EXOC4: variants seen among roughly 807,000 people sequenced by gnomAD.
The protein encoded by EXOC4 is SEC8-like 1.
Under a neutral mutation model 107.2 loss-of-function variants are expected in EXOC4, and 71 were observed. That is an observed-to-expected ratio of 0.66 (90% CI 0.55 to 0.81). EXOC4 has a LOEUF of 0.81. Among genes scored for constraint, EXOC4 ranks in the 30% least tolerant of loss-of-function variants. The pLI, the probability that EXOC4 is intolerant of heterozygous loss-of-function variation, is 0.00. For missense variants in EXOC4, 1,108 were observed against 1,189.6 expected (o/e 0.93, Z 1.01); for synonymous variants, 456 against 441.2 (o/e 1.03, Z -0.42).
At chr7:133,467,369 G>C (rs528586390) in intron 7 of EXOC4, among the ~76,000 whole-genome samples, 37 of 151,286 alleles carry the variant, frequency 2.4e-4, no homozygotes, top group Non-Finnish European at 4.7e-4. Context: ...GAGCTGTCTT[G>C]GTCGGTTGTC....
At chr7:134,029,463 A>C (rs188267872) in intron 17 of EXOC4, among the ~76,000 whole-genome samples, 186 of 152,166 alleles carry the variant, frequency 1.2e-3, no homozygotes, top group Admixed American at 0.01. Context: ...GCACTAAAGG[A>C]TATAGGGTTT....
In EXOC4 at chr7:133,555,762, T is replaced by A. The variant is rs115516533; in HGVS notation, c.1418-74283T>A. On this transcript the variant is annotated intron_variant, in intron 9 of 17. Transcript: ENST00000253861. ...CTGCTACATAGCATGCCAAATGCAATTTTGAATTTTCAAAATTTTGAATTT... is the reference window on the plus strand; with the variant it reads ...CTGCTACATAGCATGCCAAATGCAAATTTGAATTTTCAAAATTTTGAATTT... Among the ~76,000 whole-genome samples, 522 of 152,288 alleles carry A rather than the reference T, an allele frequency of 3.4e-3. 7 individuals carry two copies. Among genetic ancestry groups the A allele is most frequent in the African/African-American group, 0.012 (509 of 41,550 alleles).
chr7:133,852,060 C>T (rs999065398), intron 11 of EXOC4, among the ~76,000 whole-genome samples: 1 of 152,108 alleles, frequency 6.6e-6, no homozygotes, highest in Non-Finnish European at 1.5e-5. Context: ...CAGTGAAAAA[C>T]ATTTGTTGCT....
At position 134,016,902 on chromosome 7, in the gene EXOC4, ATGTC is replaced by A. The variant is rs549950555; in HGVS notation, c.2687+9071_2687+9074del. On this transcript the variant is annotated intron_variant, in intron 17 of 17. Transcript: ENST00000253861. ...CTGCCCACAGACAGCCAGACTGAGA[ATGTC>A]TGTGGTCTCCTAAATCTCCCCTCAC... 4.0e-3 allele frequency among the ~76,000 whole-genome samples: 608 copies of A among 152,282 alleles called. 5 individuals are homozygous for A. Among genetic ancestry groups the A allele is most frequent in the African/African-American group, 0.014 (576 of 41,546 alleles).
chr7:133,763,699 A>G (rs1202290747), intron 10 of EXOC4, among the ~76,000 whole-genome samples: 1 of 33,238 alleles, frequency 3.0e-5, no homozygotes, highest in Non-Finnish European at 7.4e-5. Context: ...CCTAGCCAAA[A>G]AGGAAAAAAA....
intron 11 of EXOC4, among the ~76,000 whole-genome samples, chr7:133,824,457 T>G (rs1797651314): frequency 6.6e-6 from 1 of 152,194 alleles, no homozygotes; most frequent in Non-Finnish European, 1.5e-5. Flanking sequence ...TACCCTGGTG[T>G]GACAGCAAGA....
rs1796451795 is a variant in EXOC4 at position 133,374,848 on chromosome 7, A to T, written c.1028A>T (p.Glu343Val). The change falls in exon 7 of 18, where the codon GAG becomes GTG. Residue 343 changes from glutamate to valine, a missense_variant. Glu to Val is a moderately radical substitution (Grantham distance 121). Transcript: ENST00000253861. Reference protein sequence around the residue: ...NQPRLLLELLELLFDKFNAVA... With the variant: ...NQPRLLLELLVLLFDKFNAVA... The stretch of plus-strand genomic sequence containing the variant: ...ACTAGGTTGCTTCTAGAACTGCTGG[A>T]GTTACTGTTTGACAAGTTTAATGCT... The T allele has an allele frequency of 6.2e-7, 1 of 1,613,472 alleles. No individual in the cohort carries two copies. The highest frequency in any genetic ancestry group is 1.1e-5 in the South Asian group (1 of 91,054).
intron 17 of EXOC4, among the ~76,000 whole-genome samples, chr7:134,033,697 C>T (rs1020746960): frequency 6.6e-6 from 1 of 152,080 alleles, no homozygotes; most frequent in Admixed American, 6.5e-5. Flanking sequence ...CTGTTGGGTG[C>T]CCAGTTCAGT....
At chr7:133,715,849 T>C (rs1794988287) in intron 10 of EXOC4, among the ~76,000 whole-genome samples, 2 of 152,184 alleles carry the variant, frequency 1.3e-5, no homozygotes, top group Non-Finnish European at 2.9e-5. Flanking sequence ...TATAGACCCA[T>C]GAGGCTGAGC....
chr7:133,432,820 G>A (rs1268163920), intron 7 of EXOC4, among the ~76,000 whole-genome samples: 1 of 152,114 alleles, frequency 6.6e-6, no homozygotes, highest in Admixed American at 6.5e-5. Flanking sequence ...CTGTCTAGCA[G>A]GCTATTTCTA....
chr7:133,277,341 A>C (rs1794019962), intron 2 of EXOC4, among the ~76,000 whole-genome samples: 1 of 152,228 alleles, frequency 6.6e-6, no homozygotes, highest in Non-Finnish European at 1.5e-5. Context: ...TCAGGTAATA[A>C]CAGCAAAGGT....
chr7:133,655,012 C>T (rs1585057316), intron 10 of EXOC4, among the ~76,000 whole-genome samples: 1 of 152,068 alleles, frequency 6.6e-6, no homozygotes, highest in South Asian at 2.1e-4. Context: ...ACTAAAGTTG[C>T]TCTGGGTGAG....
At position 133,338,569 on chromosome 7, in the gene EXOC4, C is replaced by T. The variant is rs1255402451; in HGVS notation, c.764-17761C>T. 2.1e-4 allele frequency among the ~76,000 whole-genome samples: 27 copies of T among 126,422 alleles called. No individual in the cohort carries two copies. The Admixed American group carries it at 2.4e-3, about 11-fold the overall frequency. The allele number at this position is 126,422 out of a possible 152,430, so 82.9% of individuals were successfully genotyped here. On this transcript the variant is annotated intron_variant, in intron 5 of 17. Coordinates refer to ENST00000253861, the MANE Select transcript of EXOC4 (RefSeq NM_021807.4). ...GATTGCGCCACTGCAGTCCGCAGTCCGACCTGGGCGCCAGAGCGAGACTCC... is the reference window on the plus strand; with the variant it reads ...GATTGCGCCACTGCAGTCCGCAGTCTGACCTGGGCGCCAGAGCGAGACTCC...
At chr7:133,541,974 G>T (rs956742059) in intron 9 of EXOC4, among the ~76,000 whole-genome samples, 39 of 152,102 alleles carry the variant, frequency 2.6e-4, no homozygotes, top group Non-Finnish European at 1.2e-4. Context: ...TTGCTTTCCG[G>T]TAGATTCAAG....
At chr7:133,956,207 T>C (rs960196335) in intron 14 of EXOC4, among the ~76,000 whole-genome samples, 2 of 152,178 alleles carry the variant, frequency 1.3e-5, no homozygotes, top group Non-Finnish European at 2.9e-5. Context: ...GTTTTGTTTT[T>C]AGATGAACAC....
intron 14 of EXOC4, among the ~76,000 whole-genome samples, chr7:133,974,937 T>C (rs1254749874): frequency 6.6e-6 from 1 of 152,200 alleles, no homozygotes; most frequent in African/African-American, 2.4e-5. Flanking sequence ...GCTCTGTGTA[T>C]AATGCTTTCA....
intron 7 of EXOC4, among the ~76,000 whole-genome samples, chr7:133,442,270 C>T (rs769478986): frequency 9.9e-5 from 15 of 151,958 alleles, no homozygotes; most frequent in South Asian, 4.2e-4. Context: ...GAAAGCCTAG[C>T]GTGAAGTGAG....
chr7:133,823,325 A>G (rs550672068), intron 11 of EXOC4, among the ~76,000 whole-genome samples: 1 of 152,064 alleles, frequency 6.6e-6, no homozygotes, highest in Non-Finnish European at 1.5e-5. Context: ...AACGCTACCC[A>G]TTAGAATCAC....
At chr7:133,727,749 A>G (rs1795245678) in intron 10 of EXOC4, 1 of 152,394 alleles carries the variant, frequency 6.6e-6, no homozygotes. Flanking sequence ...TCACACCCAC[A>G]ACAAGCAGCA....
Sources: allele counts gnomAD v4.1 joint callset (sites outside exome capture counted in the v4.1 genomes callset), GRCh38; gene constraint gnomAD v4.1.1; transcripts MANE v1.5; gene names NCBI Gene and HGNC (gene_info 2026-07-23, HGNC 2026-07-21).